The following LARS2 variants were observed in gnomAD, a reference collection of about 807,000 sequenced individuals.
The protein encoded by LARS2 is leucyl-tRNA synthetase 2, mitochondrial, also known as leucine--tRNA ligase, mitochondrial.
A neutral mutation model predicts 116.6 loss-of-function variants in LARS2; 81 were observed. The ratio of observed to expected loss-of-function variants is 0.69; its 90% confidence interval spans 0.58 to 0.84. The LOEUF is 0.84. Ranked by LOEUF, LARS2 falls within the 40% of genes least tolerant of loss-of-function variation. LARS2 has a pLI of 0.00. For synonymous variants in LARS2, 396 were observed against 407.2 expected, an observed-to-expected ratio of 0.97 and a Z score of 0.33; for missense variants, 968 against 1,114.5, an observed-to-expected ratio of 0.87 and a Z score of 1.87.
At chr3:45,427,817 T>C (rs541066791) in intron 6 of LARS2, among the ~76,000 whole-genome samples, 1 of 123,290 alleles carries the variant, frequency 8.1e-6, no homozygotes, top group East Asian at 2.0e-4. Flanking sequence ...CTTGTTTTCC[T>C]TTTTTTTCTT....
chr3:45,415,460 T>C (rs1180587652), intron 4 of LARS2, among the ~76,000 whole-genome samples: 1 of 152,206 alleles, frequency 6.6e-6, no homozygotes, highest in East Asian at 1.9e-4. Context: ...ATCCCCATTT[T>C]ACAGACGATG....
chr3:45,416,688 C>T (rs561545605), intron 4 of LARS2, among the ~76,000 whole-genome samples: 2 of 152,338 alleles, frequency 1.3e-5, no homozygotes, highest in East Asian at 3.9e-4. Context: ...GACTGAAGAA[C>T]TGCATTTTTT....
intron 6 of LARS2, among the ~76,000 whole-genome samples, chr3:45,440,173 A>C (rs551582413): frequency 8.5e-5 from 13 of 152,294 alleles, no homozygotes; most frequent in Middle Eastern, 3.4e-3. Context: ...ATCAGTGAGA[A>C]TCATCTGATG....
chr3:45,476,146 A>G (rs986026486), intron 9 of LARS2, among the ~76,000 whole-genome samples: 1 of 151,968 alleles, frequency 6.6e-6, no homozygotes, highest in Non-Finnish European at 1.5e-5. Context: ...TATAACACTA[A>G]TAGTTATTTT....
chr3:45,521,087 G>A (rs1241290616), intron 19 of LARS2, among the ~76,000 whole-genome samples: 1 of 151,982 alleles, frequency 6.6e-6, no homozygotes, highest in African/African-American at 2.4e-5. Context: ...GGCGGATCAC[G>A]AGGTCAGGAG....
intron 20 of LARS2, among the ~76,000 whole-genome samples, chr3:45,541,193 G>A (rs2125771179): frequency 6.6e-6 from 1 of 152,284 alleles, no homozygotes; most frequent in Non-Finnish European, 1.5e-5. Flanking sequence ...GGGGGCTGCG[G>A]CACGAAGCAC....
chr3:45,514,294 C>T (rs1352328510), intron 16 of LARS2, among the ~76,000 whole-genome samples: 1 of 152,100 alleles, frequency 6.6e-6, no homozygotes, highest in African/African-American at 2.4e-5. Context: ...GTGACCATTA[C>T]ATTTAGAAAA....
rs1225209196 is a variant in LARS2, at chr3:45,500,472, G to A, written c.1653G>A (p.Trp551Ter). ...SPFNTAVADY[W>*]MPVDLYIGGK... The stretch of plus-strand genomic sequence containing the variant: ...TTAACACAGCAGTGGCCGATTACTG[G>A]ATGCCTGTGGATTTGTACATTGGAG... The change falls in exon 15 of 22, where the codon TGG becomes TGA. Residue 551 changes from tryptophan to a stop codon, truncating the protein, a stop_gained. Coordinates refer to ENST00000645846, the MANE Select transcript of LARS2 (RefSeq NM_015340.4). LOFTEE classifies it high-confidence loss of function. 1 of 1,605,446 alleles carries A rather than the reference G, an allele frequency of 6.2e-7. No homozygotes were observed. The highest frequency in any genetic ancestry group is 1.7e-5 in the Admixed American group (1 of 57,762).
At chr3:45,399,629 C>A (rs1392744175) in intron 3 of LARS2, among the ~76,000 whole-genome samples, 1 of 151,806 alleles carries the variant, frequency 6.6e-6, no homozygotes, top group East Asian at 1.9e-4. Context: ...ATTGGGACCG[C>A]TTTTCTTTCT....
At chr3:45,447,839 T>G (rs1699047666) in intron 7 of LARS2, among the ~76,000 whole-genome samples, 1 of 151,978 alleles carries the variant, frequency 6.6e-6, no homozygotes, top group African/African-American at 2.4e-5. Context: ...TAGGTAAGAC[T>G]TGGAATGGTG....
At chr3:45,534,738 A>G (rs541085034) in intron 20 of LARS2, among the ~76,000 whole-genome samples, 1 of 152,348 alleles carries the variant, frequency 6.6e-6, no homozygotes, top group South Asian at 2.1e-4. Flanking sequence ...CATTTTAGAG[A>G]CGCCGAAAGT....
intron 20 of LARS2, among the ~76,000 whole-genome samples, chr3:45,540,200 A>C: frequency 6.6e-6 from 1 of 152,156 alleles, no homozygotes; most frequent in African/African-American, 2.4e-5. Flanking sequence ...CAGAGGTTGC[A>C]GTGAGCCAAG....
intron 4 of LARS2, among the ~76,000 whole-genome samples, chr3:45,408,909 C>T (rs555052153): frequency 1.4e-4 from 22 of 152,162 alleles, no homozygotes; most frequent in Non-Finnish European, 3.1e-4. Context: ...CAAGTTATAG[C>T]TACTGGTACT....
chr3:45,527,619 G>A (rs573608230), intron 20 of LARS2, among the ~76,000 whole-genome samples: 5 of 149,644 alleles, frequency 3.3e-5, no homozygotes, highest in South Asian at 4.2e-4. Flanking sequence ...GCGAGACTCC[G>A]TCTCAAAAAA....
intron 4 of LARS2, among the ~76,000 whole-genome samples, chr3:45,407,178 A>T (rs1313275551): frequency 6.6e-6 from 1 of 152,218 alleles, no homozygotes; most frequent in Non-Finnish European, 1.5e-5. Context: ...CTGCATAATC[A>T]TAATATAATT....
intron 15 of LARS2, among the ~76,000 whole-genome samples, chr3:45,510,082 A>T (rs1700264260): frequency 6.6e-6 from 1 of 151,970 alleles, no homozygotes; most frequent in African/African-American, 2.4e-5. Flanking sequence ...AACATTACTG[A>T]GCATCTGTTA....
rs532868316 is a variant in LARS2, at chr3:45,461,216, A to T, written c.750+2330A>T. 3.7e-4 allele frequency among the ~76,000 whole-genome samples: 56 copies of T among 151,578 alleles called. No individual in the cohort carries two copies. The East Asian group carries it at 8.3e-3, about 23-fold the overall frequency. ...GAGAGAGTAGAAACTTTTTTTTTTT[A>T]AATGAACCAGTTAGAAATCTAGAAT... On this transcript the variant is annotated intron_variant, in intron 8 of 21. Coordinates refer to ENST00000645846, the MANE Select transcript of LARS2 (RefSeq NM_015340.4).
At chr3:45,499,884 T>C (rs1700089427) in intron 14 of LARS2, among the ~76,000 whole-genome samples, 1 of 152,226 alleles carries the variant, frequency 6.6e-6, no homozygotes, top group Admixed American at 6.5e-5. Context: ...AATATGTCAG[T>C]AATATCTTCT....
chr3:45,528,359 T>C (rs1261500137), intron 20 of LARS2, among the ~76,000 whole-genome samples: 1 of 152,050 alleles, frequency 6.6e-6, no homozygotes, highest in African/African-American at 2.4e-5. Context: ...AAAAGTAAAA[T>C]GATTGTGTTC....
Sources: gnomAD v4.1 joint callset for allele counts (sites outside exome capture counted in the v4.1 genomes callset) on GRCh38, gnomAD v4.1.1 for gene constraint, MANE v1.5 for transcripts, NCBI Gene and HGNC (gene_info 2026-07-23, HGNC 2026-07-21) for gene names.